The following TVP23A variants were observed in gnomAD, a reference collection of about 807,000 sequenced individuals.
TVP23A encodes the protein trans-golgi network vesicle protein 23 homolog A.
TVP23A carries 21 observed loss-of-function variants against 31.7 expected under a neutral mutation model. That is an observed-to-expected ratio of 0.66 (90% CI 0.47 to 0.95). The LOEUF is 0.95. TVP23A is among the 40% of genes least tolerant of loss of function. The pLI is 0.00. For missense variants in TVP23A, 279 were observed against 255.6 expected, an observed-to-expected ratio of 1.09 and a Z score of -0.62; for synonymous variants, 104 against 96.0, an observed-to-expected ratio of 1.08 and a Z score of -0.49.
chr16:10,776,140 C>T (rs935236980), intron 2 of TVP23A, among the ~76,000 whole-genome samples: 5 of 151,130 alleles, frequency 3.3e-5, no homozygotes, highest in African/African-American at 9.7e-5. Flanking sequence ...ATTGGGAGGC[C>T]GAGGCGGGCG....
In TVP23A at chr16:10,768,730, A is replaced by C. The variant is rs918081083; in HGVS notation, c.*372T>G. 2.1e-5 allele frequency: 6 copies of C among 290,098 alleles called. No individual in the cohort carries two copies. Among genetic ancestry groups the C allele is most frequent in the Non-Finnish European group, 3.8e-5 (6 of 158,130 alleles). 18.0% of individuals were successfully genotyped at this position (290,098 alleles called of 1,614,324 possible). Reference sequence around the variant, plus strand: ...AGGGCAGAGGTGTCAGTGTTTGTTAAAGCTGTGGTCTCTGAGTTTGTGGCT... The same window carrying C: ...AGGGCAGAGGTGTCAGTGTTTGTTACAGCTGTGGTCTCTGAGTTTGTGGCT... On this transcript the variant is annotated 3_prime_UTR_variant, in exon 8 of 8. Coordinates refer to ENST00000299866, the MANE Select transcript of TVP23A (RefSeq NM_001079512.4). The surrounding 1 kb of genome is among the most constrained non-coding windows in gnomAD (Gnocchi z 4.3).
At chr16:10,813,862 G>A (rs1286145797) in intron 2 of TVP23A, among the ~76,000 whole-genome samples, 1 of 151,868 alleles carries the variant, frequency 6.6e-6, no homozygotes, top group East Asian at 1.9e-4. Context: ...TAGCCAGCGT[G>A]GTGGCACGCA....
intron 5 of TVP23A, 147 bp downstream of exon 5, chr16:10,773,163 GGGT>G: frequency 9.1e-7 from 1 of 1,096,248 alleles, no homozygotes; most frequent in Non-Finnish European, 1.2e-6. Flanking sequence ...TACTTTAAAT[GGGT>G]AAATTGTATG....
intron 2 of TVP23A, among the ~76,000 whole-genome samples, chr16:10,802,573 C>T (rs1324044749): frequency 6.6e-6 from 1 of 152,102 alleles, no homozygotes; most frequent in East Asian, 1.9e-4. Flanking sequence ...AGCCAGTGCA[C>T]TCGTCCAATT....
intron 2 of TVP23A, among the ~76,000 whole-genome samples, chr16:10,787,910 G>C (rs765219107): frequency 4.6e-5 from 7 of 152,266 alleles, no homozygotes; most frequent in Non-Finnish European, 1.0e-4. Flanking sequence ...ATTTGCGTCA[G>C]ATGCCGGAGG....
At position 10,779,219 on chromosome 16, in the gene TVP23A, AG is replaced by A. The variant is rs2032272371; in HGVS notation, c.90-4124del. Among the ~76,000 whole-genome samples, 1 of 152,186 alleles carries A rather than the reference AG, an allele frequency of 6.6e-6. No individual in the cohort carries two copies. The highest frequency in any genetic ancestry group is 2.1e-4 in the South Asian group (1 of 4,834). ...GTTCAAAGCCCAAAGCAAGTAGAAG[AG>A]GACGCCTGTTGCCCTTTTAAATGTT... On this transcript the variant is annotated intron_variant, in intron 2 of 7. Transcript: ENST00000299866. The surrounding 1 kb of genome is among the most constrained non-coding windows in gnomAD (Gnocchi z 4.9).
At chr16:10,778,757 G>C (rs1446577871) in intron 2 of TVP23A, among the ~76,000 whole-genome samples, 1 of 152,104 alleles carries the variant, frequency 6.6e-6, no homozygotes, top group Non-Finnish European at 1.5e-5. Context: ...CTTGAAGTCA[G>C]GAGTTCGAGA....
rs1479730305 is a variant in TVP23A at position 10,818,438 on chromosome 16, C to A, written c.9+47G>T. On this transcript the variant is annotated intron_variant, in intron 1 of 7. Coordinates refer to ENST00000299866, the MANE Select transcript of TVP23A (RefSeq NM_001079512.4). This position sits in a 1 kb window ranked among gnomAD's most constrained non-coding sequence, Gnocchi z 4.7. ...GGCTTCTCCAGCGCTCCCGCAGGCT[C>A]CCCTCGTCCCGCCCCGCCTCCAGCC... The A allele has an allele frequency of 8.2e-6, 13 of 1,593,572 alleles. No individual in the cohort carries two copies. The highest frequency in any genetic ancestry group is 1.3e-5 in the African/African-American group (1 of 74,566).
At chr16:10,785,394 A>T (rs2032693706) in intron 2 of TVP23A, among the ~76,000 whole-genome samples, 1 of 151,280 alleles carries the variant, frequency 6.6e-6, no homozygotes. Context: ...ACAGAGCAAG[A>T]CTCCATCTCA....
At position 10,777,806 on chromosome 16, in the gene TVP23A, C is replaced by T. The variant is rs2142918458; in HGVS notation, c.90-2710G>A. Among the ~76,000 whole-genome samples, 1 of 151,686 alleles carries T rather than the reference C, an allele frequency of 6.6e-6. No homozygotes were observed. The highest frequency in any genetic ancestry group is 2.4e-5 in the African/African-American group (1 of 41,382). On this transcript the variant is annotated intron_variant, in intron 2 of 7. Transcript: ENST00000299866. The surrounding 1 kb of genome is among the most constrained non-coding windows in gnomAD (Gnocchi z 4.5). ...GCAGGTGGATCACGAGGTCAAGAGA[C>T]TGAGACCATCCCTGGCCAACATGGT...
chr16:10,780,726 G>A (rs191308744), intron 2 of TVP23A, among the ~76,000 whole-genome samples: 102 of 152,054 alleles, frequency 6.7e-4, no homozygotes, highest in African/African-American at 1.9e-3. Context: ...TGAAAACATC[G>A]GGTGAGGGTG....
chr16:10,810,942 T>A (rs934234013), intron 2 of TVP23A, among the ~76,000 whole-genome samples: 1 of 152,224 alleles, frequency 6.6e-6, no homozygotes, highest in Admixed American at 6.5e-5. Flanking sequence ...GAATTCCTCA[T>A]AATAAATCTC....
chr16:10,759,155 G>A (rs1900770223), downstream of TVP23A, among the ~76,000 whole-genome samples: 1 of 152,236 alleles, frequency 6.6e-6, no homozygotes, highest in African/African-American at 2.4e-5. This position sits in a 1 kb window ranked among gnomAD's most constrained non-coding sequence, Gnocchi z 4.7. Flanking sequence ...CTCTGACTCT[G>A]ACATGCCGGG....
At chr16:10,802,896 A>T (rs1298500511) in intron 2 of TVP23A, among the ~76,000 whole-genome samples, 1 of 152,208 alleles carries the variant, frequency 6.6e-6, no homozygotes, top group Non-Finnish European at 1.5e-5. Context: ...GATGTCATTT[A>T]AATTGCGCAA....
intron 2 of TVP23A, among the ~76,000 whole-genome samples, chr16:10,789,163 C>G (rs1394982097): frequency 2.0e-5 from 3 of 152,290 alleles, no homozygotes; most frequent in African/African-American, 7.2e-5. Flanking sequence ...TGATGCCCTC[C>G]TGGTAGCCAG....
chr16:10,773,741 T>C (rs770588538), intron 4 of TVP23A, among the ~76,000 whole-genome samples: 31 of 152,128 alleles, frequency 2.0e-4, no homozygotes, highest in Non-Finnish European at 4.3e-4. Flanking sequence ...CAGCTAATTT[T>C]TGTATTTTTA....
chr16:10,762,360 C>G (rs1042833414), downstream of TVP23A, among the ~76,000 whole-genome samples: 2 of 152,224 alleles, frequency 1.3e-5, no homozygotes, highest in African/African-American at 4.8e-5. Flanking sequence ...AAAAAATGCT[C>G]TTCTTAAGTA....
downstream of TVP23A, among the ~76,000 whole-genome samples, chr16:10,762,696 G>C (rs142394559): frequency 6.6e-6 from 1 of 152,296 alleles, no homozygotes; most frequent in African/African-American, 2.4e-5. Context: ...CCATGCCTCG[G>C]AACTTCCACT....
chr16:10,800,878 C>G (rs2033663144), intron 2 of TVP23A, among the ~76,000 whole-genome samples: 1 of 152,026 alleles, frequency 6.6e-6, no homozygotes, highest in East Asian at 1.9e-4. Context: ...GTGGTCTCAG[C>G]TATTTGGGAG....
Sources: allele counts gnomAD v4.1 joint callset (sites outside exome capture counted in the v4.1 genomes callset), GRCh38; gene constraint gnomAD v4.1.1; non-coding constraint Gnocchi (gnomAD v3.1); transcripts MANE v1.5; gene names NCBI Gene and HGNC (gene_info 2026-07-23, HGNC 2026-07-21).